Variants in ANKRD28 observed in about 807,000 individuals in gnomAD.
ANKRD28 encodes ankyrin repeat domain 28, also known as serine/threonine-protein phosphatase 6 regulatory ankyrin repeat subunit A.
ANKRD28 carries 44 observed loss-of-function variants against 126.5 expected under a neutral mutation model. The observed-to-expected ratio is 0.35, with a 90% CI of 0.27 to 0.45. The LOEUF (loss-of-function observed/expected upper bound fraction) is 0.45, where lower values mean the gene tolerates loss of function less well. Ranked by LOEUF, ANKRD28 falls within the 20% of genes least tolerant of loss-of-function variation. ANKRD28 has a pLI of 1.00. For missense variants in ANKRD28, 1,110 were observed against 1,316.6 expected (o/e 0.84, Z 2.43); for synonymous variants, 442 against 468.5 (o/e 0.94, Z 0.73).
intron 27 of ANKRD28, among the ~76,000 whole-genome samples, chr3:15,674,521 T>A (rs1378139773): frequency 6.6e-6 from 1 of 152,178 alleles, no homozygotes; most frequent in Non-Finnish European, 1.5e-5. Context: ...AAGCTGTTTA[T>A]CAGACATCCA....
At chr3:15,777,100 C>T (rs1478337508) in intron 2 of ANKRD28, among the ~76,000 whole-genome samples, 1 of 151,790 alleles carries the variant, frequency 6.6e-6, no homozygotes, top group Non-Finnish European at 1.5e-5. Flanking sequence ...GTGGTGAAAC[C>T]CCATCTCTAC....
Position 15,707,179 on chromosome 3 carries a change from T to C in ANKRD28, c.1547+745A>G, listed in dbSNP as rs538942353. On this transcript the variant is annotated intron_variant, in intron 14 of 27. Coordinates refer to ENST00000683139, the MANE Select transcript of ANKRD28 (RefSeq NM_001349278.2). ...ATTTCTGCCAATGGTATTTTTACTT[T>C]TCACTGACCCACACCATAGGGAATT... is the stretch of plus-strand genomic sequence containing the variant. 2.0e-5 allele frequency among the ~76,000 whole-genome samples: 3 copies of C among 152,304 alleles called. No homozygotes were observed. The South Asian group carries it at 6.2e-4, about 32-fold the overall frequency.
In ANKRD28 at chr3:15,853,448, A is replaced by G. The variant is rs2061695716; in HGVS notation, c.27+5929T>C. Among the ~76,000 whole-genome samples the G allele has an allele frequency of 6.6e-6, 1 of 151,984 alleles. No individual in the cohort carries two copies. The highest frequency in any genetic ancestry group is 2.4e-5 in the African/African-American group (1 of 41,386). On this transcript the variant is annotated intron_variant, in intron 1 of 27. Transcript: ENST00000399451. This position sits in a 1 kb window ranked among gnomAD's most constrained non-coding sequence, Gnocchi z 4.2. ...TTGGGTTATCTGCTCTTTAACTACC[A>G]TAATCAATGTTTTATGGTTTTTTTT...
In ANKRD28 at chr3:15,845,489, A is replaced by C. The variant is rs2061511278; in HGVS notation, c.27+13888T>G. ...CTCTATTTCAATCATTCAGGCACTT[A>C]CAGACATGCTAGTTTCTAACTACCT... is the stretch of plus-strand genomic sequence containing the variant. On this transcript the variant is annotated intron_variant, in intron 1 of 27. Coordinates refer to the ANKRD28 transcript ENST00000399451. This position sits in a 1 kb window ranked among gnomAD's most constrained non-coding sequence, Gnocchi z 4.9. Among the ~76,000 whole-genome samples, 3 of 152,166 alleles carry C rather than the reference A, an allele frequency of 2.0e-5. No homozygotes were observed. Among genetic ancestry groups the C allele is most frequent in the African/African-American group, 7.2e-5 (3 of 41,430 alleles).
At chr3:15,803,007 C>T (rs990176304) in intron 1 of ANKRD28, among the ~76,000 whole-genome samples, 3 of 152,268 alleles carry the variant, frequency 2.0e-5, no homozygotes, top group Admixed American at 6.5e-5. Flanking sequence ...TAATGGGTGG[C>T]CCATGTGGCT....
intron 4 of ANKRD28, among the ~76,000 whole-genome samples, chr3:15,748,129 G>A (rs1354800265): frequency 6.6e-6 from 1 of 152,144 alleles, no homozygotes; most frequent in Non-Finnish European, 1.5e-5. Context: ...CTTGGTTGGT[G>A]AATTCTTATC....
intron 2 of ANKRD28, among the ~76,000 whole-genome samples, chr3:15,784,354 G>A (rs2059673538): frequency 6.6e-6 from 1 of 152,010 alleles, no homozygotes. Flanking sequence ...TGTAAGGAAT[G>A]ACAGCAGTGA....
chr3:15,804,435 A>G lies in ANKRD28; in HGVS notation c.28-9129T>C, dbSNP rs185426029. On this transcript the variant is annotated intron_variant, in intron 1 of 27. Coordinates refer to the ANKRD28 transcript ENST00000399451. The stretch of plus-strand genomic sequence containing the variant: ...TTTGCTCCTCCTTTAATTTATAGGA[A>G]GGGTGCTTTGTCAAAGAAATCAATG... Among the ~76,000 whole-genome samples the G allele has an allele frequency of 6.1e-4, 89 of 145,938 alleles. 7 individuals carry two copies. The highest frequency in any genetic ancestry group is 1.1e-3 in the Non-Finnish European group (77 of 67,242).
At chr3:15,742,442 G>C (rs1356842799) in intron 4 of ANKRD28, among the ~76,000 whole-genome samples, 2 of 143,484 alleles carry the variant, frequency 1.4e-5, no homozygotes, top group Non-Finnish European at 3.0e-5. Context: ...CCGTCTGGGA[G>C]GTGAGGAGCG....
chr3:15,818,892 A>G (rs1039051907), intron 1 of ANKRD28, among the ~76,000 whole-genome samples: 2 of 152,206 alleles, frequency 1.3e-5, no homozygotes, highest in South Asian at 2.1e-4. Flanking sequence ...AAATCAATAA[A>G]CTGATGTGAA....
At chr3:15,720,668 G>T (rs951053301) in intron 8 of ANKRD28, among the ~76,000 whole-genome samples, 1 of 151,950 alleles carries the variant, frequency 6.6e-6, no homozygotes, top group Non-Finnish European at 1.5e-5. Flanking sequence ...AATAATTGTT[G>T]TGATTTTTTT....
upstream of ANKRD28, among the ~76,000 whole-genome samples, chr3:15,800,976 TAGAAAC>T (rs1482218623): frequency 2.0e-5 from 3 of 152,072 alleles, no homozygotes; most frequent in Non-Finnish European, 4.4e-5. Context: ...TTTAAGAACT[TAGAAAC>T]AGAGAAAGTA....
upstream of ANKRD28, among the ~76,000 whole-genome samples, chr3:15,802,585 T>A (rs963725000): frequency 6.6e-6 from 1 of 152,168 alleles, no homozygotes; most frequent in Non-Finnish European, 1.5e-5. Flanking sequence ...TAAAATGAGT[T>A]AGAAACTTGA....
intron 1 of ANKRD28, among the ~76,000 whole-genome samples, chr3:15,840,920 C>G (rs2061414271): frequency 1.3e-5 from 2 of 152,122 alleles, no homozygotes; most frequent in South Asian, 4.1e-4. Flanking sequence ...GTGGGCGGAT[C>G]ACTTGAGGTC....
At position 15,685,950 on chromosome 3, in the gene ANKRD28, T is replaced by C. The variant is rs1207755379; in HGVS notation, c.2169+52A>G. 4.4e-6 allele frequency: 6 copies of C among 1,369,610 alleles called. No homozygotes were observed. In the Admixed American group the frequency reaches 9.3e-5, roughly 21 times the overall value. The allele number at this position is 1,369,610 out of a possible 1,614,324, so 84.8% of individuals were successfully genotyped here. ...AAACATAACCTAGTTCAGTTCTAGG[T>C]AATATGAGGTCATAAAAGCTTTTTG... On this transcript the variant is annotated intron_variant, in intron 20 of 27. Coordinates refer to ENST00000683139, the MANE Select transcript of ANKRD28 (RefSeq NM_001349278.2).
At position 15,815,776 on chromosome 3, in the gene ANKRD28, C is replaced by CGAA. The variant is rs1282365866; in HGVS notation, c.28-20471_28-20470insTTC. On this transcript the variant is annotated intron_variant, in intron 1 of 27. Transcript: ENST00000399451. The surrounding 1 kb of genome is among the most constrained non-coding windows in gnomAD (Gnocchi z 4.1). The stretch of plus-strand genomic sequence containing the variant: ...TAAACATAAAAATCTGTTATTTCTT[C>CGAA]CCTTGTCAAAATTATTTATGAACAA... 6.6e-6 allele frequency among the ~76,000 whole-genome samples: 1 copy of CGAA among 152,118 alleles called. No homozygotes were observed. Among genetic ancestry groups the CGAA allele is most frequent in the African/African-American group, 2.4e-5 (1 of 41,408 alleles).
chr3:15,723,632 T>TAA (rs75966836), intron 7 of ANKRD28, among the ~76,000 whole-genome samples: 1 of 151,534 alleles, frequency 6.6e-6, no homozygotes, highest in Admixed American at 6.6e-5. Context: ...CTCTACAAAA[T>TAA]AAAAAAAATT....
intron 2 of ANKRD28, among the ~76,000 whole-genome samples, chr3:15,785,537 G>A (rs919115777): frequency 3.3e-5 from 5 of 152,024 alleles, no homozygotes; most frequent in Non-Finnish European, 7.4e-5. Context: ...TATTAGAATG[G>A]TCAAAATCCA....
intron 4 of ANKRD28, among the ~76,000 whole-genome samples, chr3:15,748,057 C>T (rs1173238135): frequency 6.6e-6 from 1 of 152,110 alleles, no homozygotes; most frequent in Non-Finnish European, 1.5e-5. Flanking sequence ...TCTTTTTCTA[C>T]CCCTTTACTT....
Sources: gnomAD v4.1 joint callset for allele counts (sites outside exome capture counted in the v4.1 genomes callset) on GRCh38, gnomAD v4.1.1 for gene constraint, Gnocchi (gnomAD v3.1) non-coding constraint, MANE v1.5 for transcripts, NCBI Gene and HGNC (gene_info 2026-07-23, HGNC 2026-07-21) for gene names.